Variants in RABGAP1 observed in about 807,000 individuals in gnomAD.
RABGAP1 encodes the protein RAB GTPase activating protein 1.
In RABGAP1, 23 loss-of-function variants were observed where a neutral mutation model predicts 137.6. The ratio of observed to expected loss-of-function variants is 0.17; its 90% CI spans 0.12 to 0.24. RABGAP1 has a LOEUF of 0.24. RABGAP1 is among the 10% of genes least tolerant of loss of function. The probability of loss-of-function intolerance (pLI) is 1.00; values close to 1 mark genes in which losing one functional copy is unlikely to be tolerated. For synonymous variants in RABGAP1, 451 were observed against 450.7 expected, an observed-to-expected ratio of 1.00 and a Z score of -0.01; for missense variants, 906 against 1,275.8, an observed-to-expected ratio of 0.71 and a Z score of 4.42.
chr9:123,065,693 G>A (rs1482637232), intron 14 of RABGAP1: 1 of 452,064 alleles, frequency 2.2e-6, no homozygotes, highest in African/African-American at 2.0e-5. Flanking sequence ...AGGATTTTTA[G>A]ATGACAGTTC....
intron 2 of RABGAP1, 102 bp downstream of exon 2, chr9:122,957,311 G>C: frequency 1.1e-6 from 1 of 889,454 alleles, no homozygotes; most frequent in Non-Finnish European, 1.6e-6. Flanking sequence ...TGAGAACATG[G>C]AAGTAATATA....
intron 13 of RABGAP1, among the ~76,000 whole-genome samples, chr9:123,052,526 G>A (rs1479890318): frequency 1.3e-5 from 2 of 152,084 alleles, no homozygotes; most frequent in African/African-American, 4.8e-5. Context: ...CTCTTCTCTG[G>A]GCTTAGAGAT....
chr9:122,989,335 A>G lies in RABGAP1; in HGVS notation c.629A>G (p.Tyr210Cys), dbSNP rs1836543050. The change falls in exon 5 of 26, where the codon TAC (tyrosine) becomes TGC (cysteine). Residue 210 changes from tyrosine (Y) to cysteine (C), a missense_variant. Coordinates refer to ENST00000373647, the MANE Select transcript of RABGAP1 (RefSeq NM_012197.4). ...DPQTNTEIAN[Y>C]PIYKILFCVR... ...CAGACAAACACTGAAATAGCAAACT[A>G]CCCTATCTACAAAATCCTCTTCTGT... 1.9e-6 allele frequency: 3 copies of G among 1,613,680 alleles called. No homozygotes were observed. The highest frequency in any genetic ancestry group is 2.5e-6 in the Non-Finnish European group (3 of 1,179,812).
At position 122,999,545 on chromosome 9, in the gene RABGAP1, C is replaced by T. The variant is rs549029026; in HGVS notation, c.1374+779C>T. ...AGCATTCATTTATGTTATTGTTCCTCTGGGTATAATGTGTCATTTTCTTCT... is the reference window on the plus strand; with the variant it reads ...AGCATTCATTTATGTTATTGTTCCTTTGGGTATAATGTGTCATTTTCTTCT... On this transcript the variant is annotated intron_variant, in intron 10 of 25. Transcript: ENST00000373647. Among the ~76,000 whole-genome samples the T allele has an allele frequency of 2.6e-5, 4 of 152,054 alleles. No individual in the cohort carries two copies. The East Asian group carries it at 7.7e-4, about 29-fold the overall frequency.
At chr9:123,044,327 C>T (rs999704453) in intron 13 of RABGAP1, among the ~76,000 whole-genome samples, 5 of 152,106 alleles carry the variant, frequency 3.3e-5, no homozygotes, top group African/African-American at 1.2e-4. Context: ...TAAATGGGGG[C>T]ATAATAGCAC....
chr9:123,012,489 C>T (rs758617946), intron 11 of RABGAP1, among the ~76,000 whole-genome samples: 13 of 152,136 alleles, frequency 8.5e-5, no homozygotes, highest in Non-Finnish European at 1.5e-4. Flanking sequence ...AATCTGGGCC[C>T]GACTAAAGGT....
chr9:123,029,812 G>A, intron 13 of RABGAP1: 1 of 447,582 alleles, frequency 2.2e-6, no homozygotes, highest in Non-Finnish European at 4.2e-6. Flanking sequence ...CAGACAAAAA[G>A]TGAAGCTCAT....
At chr9:123,101,910 G>GT (rs2035357748) in intron 25 of RABGAP1, 147 bp downstream of exon 25, 3 of 802,018 alleles carry the variant, frequency 3.7e-6, no homozygotes, top group African/African-American at 3.5e-5. Context: ...TATAGGACTT[G>GT]TTACTGGCCA....
chr9:123,050,863 C>T (rs1014108366), intron 13 of RABGAP1, among the ~76,000 whole-genome samples: 2 of 152,108 alleles, frequency 1.3e-5, no homozygotes, highest in Admixed American at 6.6e-5. Context: ...TTAGGAGAAA[C>T]TGTTTTTTGA....
intron 12 of RABGAP1, among the ~76,000 whole-genome samples, chr9:123,019,892 C>T (rs575484197): frequency 2.0e-5 from 3 of 152,014 alleles, no homozygotes; most frequent in Non-Finnish European, 4.4e-5. Flanking sequence ...CCATGGCGCC[C>T]AGGCTGCTCT....
At chr9:123,098,172 T>C (rs1417770891) in intron 22 of RABGAP1, among the ~76,000 whole-genome samples, 1 of 152,242 alleles carries the variant, frequency 6.6e-6, no homozygotes, top group Non-Finnish European at 1.5e-5. Flanking sequence ...TGTCCTCTGC[T>C]GTCTCCCTCA....
At chr9:122,935,037 T>A in the RABGAP1 span, among the ~76,000 whole-genome samples, 2 of 152,234 alleles carry the variant, frequency 1.3e-5, no homozygotes, top group Non-Finnish European at 2.9e-5. Flanking sequence ...CTTCTCTATT[T>A]GTGTTTTATA....
At chr9:123,047,188 G>A (rs566236791) in intron 13 of RABGAP1, among the ~76,000 whole-genome samples, 180 of 152,330 alleles carry the variant, frequency 1.2e-3, no homozygotes, top group Non-Finnish European at 2.3e-3. Flanking sequence ...AACGAGTTAA[G>A]ATTTTCTTTC....
Position 122,990,191 on chromosome 9 carries a change from G to A in RABGAP1, c.901G>A (p.Asp301Asn), listed in dbSNP as rs771565548. The stretch of plus-strand genomic sequence containing the variant: ...CTCTGTGTCTTTAGAAATAAAAGAA[G>A]ATGATGGTAAAGGTTATTTTAGGTA... Reference protein sequence around the residue: ...TFSVSLEIKEDDGKGYFSAVP... With the variant: ...TFSVSLEIKENDGKGYFSAVP... The change falls in exon 6 of 26, where the codon GAT becomes AAT. Residue 301 changes from aspartate (D) to asparagine (N), a missense_variant. Around this residue, in one of 9 missense-constraint regions of RABGAP1, gnomAD observed 331 missense variants for 358.3 expected, o/e 0.92. Coordinates refer to ENST00000373647, the MANE Select transcript of RABGAP1 (RefSeq NM_012197.4). 1.2e-6 allele frequency: 2 copies of A among 1,609,132 alleles called. No homozygotes were observed. The highest frequency in any genetic ancestry group is 2.2e-5 in the South Asian group (2 of 90,738).
chr9:123,058,280 G>C (rs2033826328), intron 13 of RABGAP1, among the ~76,000 whole-genome samples: 1 of 151,916 alleles, frequency 6.6e-6, no homozygotes, highest in Non-Finnish European at 1.5e-5. Flanking sequence ...TACTAAGGTA[G>C]GATAATGGCC....
At chr9:123,023,760 A>C (rs1242369925) in intron 13 of RABGAP1, among the ~76,000 whole-genome samples, 2 of 152,214 alleles carry the variant, frequency 1.3e-5, no homozygotes, top group African/African-American at 4.8e-5. Context: ...ACTTATTTAG[A>C]CAATATTTGT....
chr9:122,978,256 A>G lies in RABGAP1; in HGVS notation c.151-6229A>G, dbSNP rs115519687. 2.8e-3 allele frequency among the ~76,000 whole-genome samples: 426 copies of G among 152,292 alleles called. 4 individuals are homozygous for G. Among genetic ancestry groups the G allele is most frequent in the African/African-American group, 9.7e-3 (405 of 41,554 alleles). On this transcript the variant is annotated intron_variant, in intron 2 of 25. Coordinates refer to ENST00000373647, the MANE Select transcript of RABGAP1 (RefSeq NM_012197.4). ...TTGTCTTTTCCAGAATGCCAGGTAAATGGAGTCATACAGTATGTAGTCTTT... is the reference window on the plus strand; with the variant it reads ...TTGTCTTTTCCAGAATGCCAGGTAAGTGGAGTCATACAGTATGTAGTCTTT...
At chr9:122,956,435 G>A (rs908242033) in intron 1 of RABGAP1, among the ~76,000 whole-genome samples, 6 of 152,124 alleles carry the variant, frequency 3.9e-5, no homozygotes, top group Non-Finnish European at 5.9e-5. Context: ...CGGATCACGA[G>A]GTCAGGAGAT....
At chr9:123,067,514 G>T (rs1015094287) in intron 14 of RABGAP1, among the ~76,000 whole-genome samples, 1 of 152,208 alleles carries the variant, frequency 6.6e-6, no homozygotes, top group Non-Finnish European at 1.5e-5. Flanking sequence ...TAGTGTTGAA[G>T]ATATTTTGTA....
Sources: allele counts gnomAD v4.1 joint callset (sites outside exome capture counted in the v4.1 genomes callset), GRCh38; gene constraint gnomAD v4.1.1; regional missense constraint gnomAD v4.1.1; transcripts MANE v1.5; gene names NCBI Gene and HGNC (gene_info 2026-07-23, HGNC 2026-07-21).